IL12RB1: variants seen among roughly 807,000 people sequenced by gnomAD.
The protein encoded by IL12RB1 is interleukin-12 receptor subunit beta-1.
IL12RB1 carries 64 observed loss-of-function variants against 94.4 expected under a neutral mutation model. That is an observed-to-expected ratio of 0.68 (90% confidence interval 0.55 to 0.83). IL12RB1 has a LOEUF of 0.83. Ranked by LOEUF, IL12RB1 falls within the 40% of genes least tolerant of loss-of-function variation. The probability of loss-of-function intolerance (pLI) is 0.00; values close to 1 mark genes in which losing one functional copy is unlikely to be tolerated. For missense variants in IL12RB1, 814 were observed against 855.6 expected, an observed-to-expected ratio of 0.95 and a Z score of 0.61; for synonymous variants, 362 against 355.5, an observed-to-expected ratio of 1.02 and a Z score of -0.21.
At chr19:18,098,458 G>C (rs1342183765) in intron 1 of IL12RB1, among the ~76,000 whole-genome samples, 1 of 152,114 alleles carries the variant, frequency 6.6e-6, no homozygotes, top group East Asian at 1.9e-4. Context: ...TTGCTTCTCT[G>C]GGCCTCAGTT....
At chr19:18,098,397 T>TA (rs1396480673) in intron 1 of IL12RB1, among the ~76,000 whole-genome samples, 1 of 152,136 alleles carries the variant, frequency 6.6e-6, no homozygotes, top group Non-Finnish European at 1.5e-5. Context: ...CCAGCTCTCT[T>TA]ACGGCACAAG....
chr19:18,068,780 G>T (rs1431912776), intron 10 of IL12RB1, among the ~76,000 whole-genome samples: 1 of 136,824 alleles, frequency 7.3e-6, no homozygotes, highest in East Asian at 2.2e-4. Flanking sequence ...ATGGAGTCTC[G>T]CTGTGTCACC....
At chr19:18,061,257 G>A (rs1352775462) in intron 14 of IL12RB1, 60 bp from the exon 15 acceptor site, 1 of 823,556 alleles carries the variant, frequency 1.2e-6, no homozygotes, top group Admixed American at 2.7e-5. Context: ...TGGAGACGGA[G>A]TCTTGCTCTG....
Position 18,059,231 on chromosome 19 carries a change from A to C in IL12RB1, c.*377T>G. ...TATATGCCTGGATCCTCCAAGCTACAAGACCCCGCAATGCTGCAGGGAGCC... is the reference window on the plus strand; with the variant it reads ...TATATGCCTGGATCCTCCAAGCTACCAGACCCCGCAATGCTGCAGGGAGCC... On this transcript the variant is annotated 3_prime_UTR_variant, in exon 17 of 17. Coordinates refer to ENST00000593993, the MANE Select transcript of IL12RB1 (RefSeq NM_005535.3). 1 of 332,616 alleles carries C rather than the reference A, an allele frequency of 3.0e-6. No homozygotes were observed. Among genetic ancestry groups the C allele is most frequent in the Non-Finnish European group, 5.8e-6 (1 of 173,844 alleles). 20.6% of individuals were successfully genotyped at this position (332,616 alleles called of 1,614,324 possible). A position where few individuals can be genotyped will look rare whatever the true frequency, so the allele number is the denominator to read the frequency against.
intron 3 of IL12RB1, 39 bp from the exon 4 acceptor site, chr19:18,081,040 T>C (rs763274327): frequency 7.0e-5 from 111 of 1,591,752 alleles, no homozygotes; most frequent in Admixed American, 1.7e-4. Flanking sequence ...GAGTCTGGGG[T>C]CCTAGTGGAC....
Position 18,070,515 on chromosome 19 carries a change from C to A in IL12RB1, c.1022-802G>T, listed in dbSNP as rs1006199680. On this transcript the variant is annotated intron_variant, in intron 9 of 16. Coordinates refer to ENST00000593993, the MANE Select transcript of IL12RB1 (RefSeq NM_005535.3). ...GCAAATCTCTCCCACTCCCTCCCGC[C>A]AGGGCGTCTTCATGAATGTCAGAGA... is the stretch of plus-strand genomic sequence containing the variant. 2.5e-5 allele frequency: 25 copies of A among 985,376 alleles called. 1 individual carries two copies. In the African/African-American group the frequency reaches 4.2e-4, roughly 16 times the overall value. 61.0% of individuals were successfully genotyped at this position (985,376 alleles called of 1,614,324 possible).
At chr19:18,090,683 G>T (rs1284917849), upstream of IL12RB1, 1 of 152,410 alleles carries the variant, frequency 6.6e-6, no homozygotes, top group African/African-American at 2.4e-5. Context: ...ATGAAGGAGG[G>T]CTTGGCTTGC....
chr19:18,083,574 A>C, intron 1 of IL12RB1, 83 bp from the exon 2 acceptor site: 6 of 1,365,366 alleles, frequency 4.4e-6, no homozygotes, highest in Non-Finnish European at 6.2e-6. Flanking sequence ...TCTACACCCA[A>C]GTGATCATCA....
upstream of IL12RB1, chr19:18,091,302 G>T (rs425648): frequency 0.16 from 25,071 of 152,222 alleles, 2,165 homozygotes; most frequent in Non-Finnish European, 0.2. Context: ...CCACCCAGCT[G>T]CCCCAGAAGC....
chr19:18,066,839 C>G (rs2146175763), intron 11 of IL12RB1, 142 bp from the exon 12 acceptor site: 1 of 651,322 alleles, frequency 1.5e-6, no homozygotes. Context: ...CCAGCCTGGC[C>G]AACATGGCAA....
Position 18,075,353 on chromosome 19 carries a change from C to T in IL12RB1, c.700+396G>A, listed in dbSNP as rs561821281. Among the ~76,000 whole-genome samples the T allele has an allele frequency of 6.6e-5, 10 of 151,654 alleles. No homozygotes were observed. In the East Asian group the frequency reaches 1.8e-3, roughly 27 times the overall value. On this transcript the variant is annotated intron_variant, in intron 7 of 16. Coordinates refer to ENST00000593993, the MANE Select transcript of IL12RB1 (RefSeq NM_005535.3). Reference sequence around the variant, plus strand: ...TTGGATCCCTGCAACCTCCACCTCCCGGGTTCAAGGGATTCTCCTGCCTCA... The same window carrying T: ...TTGGATCCCTGCAACCTCCACCTCCTGGGTTCAAGGGATTCTCCTGCCTCA...
intron 11 of IL12RB1, among the ~76,000 whole-genome samples, chr19:18,067,729 G>T (rs921091244): frequency 6.6e-6 from 1 of 152,152 alleles, no homozygotes; most frequent in Admixed American, 6.6e-5. Context: ...CTTGAACCCG[G>T]GAGGCAGAGG....
At chr19:18,097,520 A>G (rs1187784771) in intron 1 of IL12RB1, among the ~76,000 whole-genome samples, 1 of 152,090 alleles carries the variant, frequency 6.6e-6, no homozygotes, top group Non-Finnish European at 1.5e-5. Context: ...ATATTGATTA[A>G]CCTATCTTAG....
Position 18,068,389 on chromosome 19 carries a change from C to T in IL12RB1, c.1327G>A (p.Ala443Thr), listed in dbSNP as rs367944399. 2.5e-6 allele frequency: 4 copies of T among 1,607,930 alleles called. No homozygotes were observed. Among genetic ancestry groups the T allele is most frequent in the African/African-American group, 1.3e-5 (1 of 74,324 alleles). The change falls in exon 11 of 17, where the codon GCC (alanine) becomes ACC (threonine). Residue 443 changes from alanine (A) to threonine (T), a missense_variant and splice_region_variant. Transcript: ENST00000593993. ...VLSTYHFGGN[A>T]SAAGTPHHVS... is the part of the protein sequence containing the mutation. ...AAACCTGCAGGTTTGGGTCACTTAC[C>T]ATTGCCCCCAAAGTGGTAGGTGGAC...
intron 13 of IL12RB1, among the ~76,000 whole-genome samples, 167 bp downstream of exon 13, chr19:18,063,709 A>G (rs1192245497): frequency 1.3e-5 from 2 of 152,160 alleles, no homozygotes; most frequent in African/African-American, 4.8e-5. Flanking sequence ...GTGTGAGAGG[A>G]AGCTGCGAGA....
intron 12 of IL12RB1, among the ~76,000 whole-genome samples, chr19:18,065,165 A>C (rs1177797751): frequency 6.6e-6 from 1 of 152,134 alleles, no homozygotes; most frequent in East Asian, 1.9e-4. Flanking sequence ...TTTCTGTCTA[A>C]CACCACCGAC....
chr19:18,071,305 G>C, intron 9 of IL12RB1: 1 of 614,264 alleles, frequency 1.6e-6, no homozygotes, highest in Non-Finnish European at 2.7e-6. Flanking sequence ...CTGGAAGGCG[G>C]AGGTTGCAGT....
intron 11 of IL12RB1, among the ~76,000 whole-genome samples, chr19:18,067,806 A>T (rs2644777): frequency 6.6e-6 from 1 of 151,648 alleles, no homozygotes; most frequent in South Asian, 2.1e-4. Context: ...AAGTGATCTT[A>T]CCACCTCAGC....
chr19:18,068,331 T>C, intron 11 of IL12RB1, 58 bp downstream of exon 11: 5 of 1,409,342 alleles, frequency 3.5e-6, no homozygotes, highest in African/African-American at 1.5e-5. Flanking sequence ...CAGCCTCTAT[T>C]TTTTTAAATT....
Sources: gnomAD v4.1 joint callset for allele counts (sites outside exome capture counted in the v4.1 genomes callset) on GRCh38, gnomAD v4.1.1 for gene constraint, MANE v1.5 for transcripts, NCBI Gene and HGNC (gene_info 2026-07-23, HGNC 2026-07-21) for gene names.